SLC71A2: variants seen among roughly 807,000 people sequenced by gnomAD.
The protein encoded by SLC71A2 is hippocampus abundant transcript-like 1.
the SLC71A2 span, chr9:94,454,118 TAGA>T: frequency 7.5e-7 from 1 of 1,330,218 alleles, no homozygotes; most frequent in East Asian, 2.3e-5. Context: ...AGATGCCTCT[TAGA>T]GGAGCTTGGG....
the SLC71A2 span, among the ~76,000 whole-genome samples, chr9:94,451,243 A>G: frequency 3.9e-5 from 6 of 152,228 alleles, no homozygotes; most frequent in Non-Finnish European, 8.8e-5. Flanking sequence ...ATGTCTATAA[A>G]ACATTTCACA....
the SLC71A2 span, among the ~76,000 whole-genome samples, chr9:94,425,835 G>A: frequency 6.6e-6 from 1 of 152,094 alleles, no homozygotes. Flanking sequence ...TTCTCCCAAA[G>A]TTCATGCTAT....
At chr9:94,432,586 C>G in the SLC71A2 span, 1 of 157,546 alleles carries the variant, frequency 6.3e-6, no homozygotes. Context: ...TGGACGGACA[C>G]AGAGTGTCCA....
the SLC71A2 span, among the ~76,000 whole-genome samples, chr9:94,382,822 A>G: frequency 2.6e-5 from 4 of 151,756 alleles, no homozygotes; most frequent in African/African-American, 9.7e-5. Context: ...GACTACAGGC[A>G]TCCGCCACCA....
At chr9:94,387,153 G>A in the SLC71A2 span, among the ~76,000 whole-genome samples, 2 of 152,078 alleles carry the variant, frequency 1.3e-5, no homozygotes, top group South Asian at 4.2e-4. Context: ...CATTCATTAA[G>A]GTGGGTGGGA....
At chr9:94,379,190 G>T in the SLC71A2 span, among the ~76,000 whole-genome samples, 2 of 150,518 alleles carry the variant, frequency 1.3e-5, no homozygotes, top group Non-Finnish European at 3.0e-5. Flanking sequence ...GGGTTCAAGC[G>T]ATTCTCCTGC....
the SLC71A2 span, among the ~76,000 whole-genome samples, chr9:94,424,229 T>C: frequency 1.3e-5 from 2 of 149,528 alleles, no homozygotes; most frequent in African/African-American, 2.5e-5. Context: ...TATAGTAATA[T>C]GTTTTTTTTT....
the SLC71A2 span, among the ~76,000 whole-genome samples, chr9:94,424,114 T>A: frequency 6.6e-6 from 1 of 152,216 alleles, no homozygotes; most frequent in Non-Finnish European, 1.5e-5. Context: ...CTGTGTCACC[T>A]TTGTCATAAA....
the SLC71A2 span, among the ~76,000 whole-genome samples, chr9:94,408,142 GA>G: frequency 6.6e-6 from 1 of 152,174 alleles, no homozygotes; most frequent in Non-Finnish European, 1.5e-5. Context: ...TTGAACTTAA[GA>G]TTTTTCAACT....
the SLC71A2 span, among the ~76,000 whole-genome samples, chr9:94,455,398 T>G: frequency 2.4e-5 from 3 of 127,552 alleles, no homozygotes; most frequent in Admixed American, 7.6e-5. Flanking sequence ...TTTTTTTTTT[T>G]GTAAAGACAA....
At chr9:94,401,650 G>C in the SLC71A2 span, among the ~76,000 whole-genome samples, 945 of 152,234 alleles carry the variant, frequency 6.2e-3, 7 homozygotes, top group African/African-American at 0.021. Context: ...TCAAGGACCA[G>C]GTTCTTTCCA....
At chr9:94,413,225 T>C in the SLC71A2 span, among the ~76,000 whole-genome samples, 1 of 152,040 alleles carries the variant, frequency 6.6e-6, no homozygotes, top group Non-Finnish European at 1.5e-5. Context: ...TTTGATTAGA[T>C]TCTGAACCAG....
chr9:94,383,201 C>T, the SLC71A2 span, among the ~76,000 whole-genome samples: 9 of 132,536 alleles, frequency 6.8e-5, no homozygotes, highest in East Asian at 1.5e-3. Context: ...CTTGTCCCAT[C>T]GCCCATGCTA....
the SLC71A2 span, among the ~76,000 whole-genome samples, chr9:94,400,102 GC>G: frequency 6.6e-6 from 1 of 151,948 alleles, no homozygotes; most frequent in African/African-American, 2.4e-5. Context: ...GAGCCACTGC[GC>G]CCGGCCAGAG....
chr9:94,454,887 A>G, the SLC71A2 span, among the ~76,000 whole-genome samples: 1 of 152,184 alleles, frequency 6.6e-6, no homozygotes, highest in African/African-American at 2.4e-5. Context: ...ACAGGAAGGA[A>G]GGTCCAAATA....
chr9:94,459,295 C>G, the SLC71A2 span: 1 of 1,614,152 alleles, frequency 6.2e-7, no homozygotes, highest in Non-Finnish European at 8.5e-7. Flanking sequence ...GCAGCGGCAG[C>G]CTGACCAACA....
At chr9:94,425,836 T>A in the SLC71A2 span, among the ~76,000 whole-genome samples, 3 of 152,094 alleles carry the variant, frequency 2.0e-5, no homozygotes, top group East Asian at 5.8e-4. Context: ...TCTCCCAAAG[T>A]TCATGCTATG....
the SLC71A2 span, among the ~76,000 whole-genome samples, chr9:94,444,753 TTC>T: frequency 1.3e-5 from 2 of 152,178 alleles, no homozygotes; most frequent in African/African-American, 4.8e-5. Flanking sequence ...ATCACTTTAA[TTC>T]TCTTTCATTC....
At chr9:94,410,027 A>G in the SLC71A2 span, among the ~76,000 whole-genome samples, 1 of 148,118 alleles carries the variant, frequency 6.8e-6, no homozygotes, top group Non-Finnish European at 1.5e-5. Flanking sequence ...GTCTCCAGCT[A>G]TTGTTGATTT....
Sources: allele counts gnomAD v4.1 joint callset (sites outside exome capture counted in the v4.1 genomes callset), GRCh38; gene constraint gnomAD v4.1.1; transcripts MANE v1.5; gene names NCBI Gene and HGNC (gene_info 2026-07-23, HGNC 2026-07-21).